The following TMEM117 variants were observed in gnomAD, a reference collection of about 807,000 sequenced individuals.
TMEM117 encodes the protein transmembrane protein 117.
TMEM117 carries 27 observed loss-of-function variants against 52.4 expected under a neutral mutation model. The ratio of observed to expected loss-of-function variants is 0.51; its 90% confidence interval spans 0.38 to 0.71. The LOEUF (loss-of-function observed/expected upper bound fraction) is 0.71. TMEM117 is among the 30% of genes least tolerant of loss of function. The probability of loss-of-function intolerance (pLI) is 0.00; values close to 1 mark genes in which losing one functional copy is unlikely to be tolerated. For missense variants in TMEM117, 556 were observed against 630.5 expected, an observed-to-expected ratio of 0.88 and a Z score of 1.26; for synonymous variants, 215 against 206.3, an observed-to-expected ratio of 1.04 and a Z score of -0.36.
intron 5 of TMEM117, among the ~76,000 whole-genome samples, chr12:44,265,564 GA>G (rs1199598144): frequency 6.6e-6 from 1 of 152,138 alleles, no homozygotes; most frequent in East Asian, 1.9e-4. Context: ...ACCCGTTTGG[GA>G]AATAGTTTCT....
chr12:44,105,250 A>G (rs1485511326), intron 3 of TMEM117, among the ~76,000 whole-genome samples: 1 of 151,562 alleles, frequency 6.6e-6, no homozygotes, highest in East Asian at 1.9e-4. Flanking sequence ...AAGTGTTCCT[A>G]GTTTACTAAG....
chr12:43,946,637 C>T (rs1945138649), intron 3 of TMEM117, among the ~76,000 whole-genome samples: 1 of 152,106 alleles, frequency 6.6e-6, no homozygotes, highest in South Asian at 2.1e-4. Flanking sequence ...CTCCATTTTG[C>T]AGATCAAGAA....
At chr12:44,144,527 G>A (rs1423873070) in intron 4 of TMEM117, among the ~76,000 whole-genome samples, 1 of 152,166 alleles carries the variant, frequency 6.6e-6, no homozygotes, top group African/African-American at 2.4e-5. Context: ...GATATTGTAG[G>A]TAGATATTGT....
intron 2 of TMEM117, among the ~76,000 whole-genome samples, chr12:43,890,411 C>T (rs569013157): frequency 5.5e-4 from 83 of 152,192 alleles, no homozygotes; most frequent in African/African-American, 1.8e-3. Context: ...AAATGAGAAT[C>T]GTTTAGATGT....
chr12:43,994,245 T>C (rs1490102281), intron 3 of TMEM117, among the ~76,000 whole-genome samples: 1 of 152,176 alleles, frequency 6.6e-6, no homozygotes, highest in African/African-American at 2.4e-5. Flanking sequence ...ACATTGTTAT[T>C]TTTGTGCTTT....
intron 4 of TMEM117, among the ~76,000 whole-genome samples, chr12:44,152,747 A>G (rs1948768769): frequency 7.2e-6 from 1 of 138,192 alleles, no homozygotes; most frequent in Non-Finnish European, 1.5e-5. Context: ...ATTTATAATT[A>G]TATTTATAAT....
At chr12:44,288,623 C>T (rs879708459) in intron 5 of TMEM117, among the ~76,000 whole-genome samples, 2 of 151,920 alleles carry the variant, frequency 1.3e-5, no homozygotes, top group African/African-American at 2.4e-5. Context: ...TTCTAATTAC[C>T]GAAGTACTTA....
chr12:44,154,195 A>G (rs570114827), intron 4 of TMEM117, among the ~76,000 whole-genome samples: 3 of 152,240 alleles, frequency 2.0e-5, no homozygotes, highest in Non-Finnish European at 4.4e-5. Flanking sequence ...CAACAGCAAT[A>G]GAAATTACTG....
chr12:43,914,384 A>T (rs1359000638), intron 2 of TMEM117, among the ~76,000 whole-genome samples: 1 of 152,146 alleles, frequency 6.6e-6, no homozygotes, highest in Non-Finnish European at 1.5e-5. Context: ...GATTGTGATC[A>T]CATTTTGTTC....
intron 3 of TMEM117, among the ~76,000 whole-genome samples, chr12:44,027,969 G>C (rs1946570911): frequency 1.3e-5 from 2 of 152,196 alleles, no homozygotes; most frequent in South Asian, 4.1e-4. Context: ...ACTTAGGGAG[G>C]CCGAGGTGAG....
chr12:44,180,711 C>G (rs1325625331), intron 4 of TMEM117, among the ~76,000 whole-genome samples: 3 of 152,050 alleles, frequency 2.0e-5, no homozygotes, highest in Non-Finnish European at 4.4e-5. Flanking sequence ...GCATAGTATT[C>G]CATGGTGTAA....
chr12:44,327,656 G>A (rs749672048), intron 6 of TMEM117, among the ~76,000 whole-genome samples: 26 of 152,030 alleles, frequency 1.7e-4, no homozygotes, highest in Non-Finnish European at 3.1e-4. Context: ...GGCCATTAAC[G>A]GATAGTTTTA....
intron 4 of TMEM117, among the ~76,000 whole-genome samples, chr12:44,189,879 G>A (rs1024599439): frequency 1.3e-5 from 2 of 152,194 alleles, no homozygotes; most frequent in African/African-American, 4.8e-5. Context: ...TATGCTAGAT[G>A]AGATGGCTGA....
At chr12:44,103,674 C>T (rs1045863521) in intron 3 of TMEM117, among the ~76,000 whole-genome samples, 2 of 151,986 alleles carry the variant, frequency 1.3e-5, no homozygotes, top group African/African-American at 4.8e-5. Flanking sequence ...ACTTTGCATG[C>T]TGATGGATCC....
the TMEM117 span, chr12:43,800,480 T>C: frequency 1.9e-6 from 3 of 1,613,646 alleles, no homozygotes; most frequent in African/African-American, 4.0e-5. Flanking sequence ...CACCTCCAAA[T>C]TCCTTCTTCA....
intron 6 of TMEM117, among the ~76,000 whole-genome samples, chr12:44,344,667 A>G (rs1432199696): frequency 1.3e-5 from 2 of 152,098 alleles, no homozygotes; most frequent in Non-Finnish European, 2.9e-5. Context: ...AAAAACACAG[A>G]TGGAGAAATA....
chr12:44,074,083 G>A (rs1025061402), intron 3 of TMEM117, among the ~76,000 whole-genome samples: 1 of 152,032 alleles, frequency 6.6e-6, no homozygotes, highest in African/African-American at 2.4e-5. Flanking sequence ...ATGAATCAAT[G>A]TACCTTCCCT....
the TMEM117 span, among the ~76,000 whole-genome samples, chr12:43,822,141 T>G: frequency 5.9e-5 from 9 of 152,198 alleles, no homozygotes; most frequent in Admixed American, 5.9e-4. Flanking sequence ...TCCAGTGCAT[T>G]TTTTTATGTG....
intron 3 of TMEM117, among the ~76,000 whole-genome samples, chr12:43,982,370 T>C (rs1272256276): frequency 6.6e-6 from 1 of 152,164 alleles, no homozygotes; most frequent in Non-Finnish European, 1.5e-5. Flanking sequence ...AATGTATCCA[T>C]GTTCACAAAA....
Sources: gnomAD v4.1 joint callset for allele counts (sites outside exome capture counted in the v4.1 genomes callset) on GRCh38, gnomAD v4.1.1 for gene constraint, MANE v1.5 for transcripts, NCBI Gene and HGNC (gene_info 2026-07-23, HGNC 2026-07-21) for gene names.